The following LPAR1 variants were observed in gnomAD, a reference collection of about 807,000 sequenced individuals.
The protein encoded by LPAR1 is LPA receptor 1.
A neutral mutation model predicts 23.8 loss-of-function variants in LPAR1; 5 were observed. The observed-to-expected ratio is 0.21, with a 90% CI of 0.11 to 0.44. LPAR1 has a LOEUF of 0.44. Ranked by LOEUF, LPAR1 falls within the 20% of genes least tolerant of loss-of-function variation. LPAR1 has a pLI of 0.99. For missense variants in LPAR1, 311 were observed against 482.8 expected (o/e 0.64, Z 3.33); for synonymous variants, 160 against 164.7 (o/e 0.97, Z 0.22).
chr9:111,010,544 GC>G (rs2097313389), intron 2 of LPAR1, among the ~76,000 whole-genome samples: 1 of 152,048 alleles, frequency 6.6e-6, no homozygotes, highest in African/African-American at 2.4e-5. Flanking sequence ...ATTTACTACC[GC>G]CTTTCAAGAT....
chr9:110,949,723 TGA>T (rs1378945813), intron 4 of LPAR1, among the ~76,000 whole-genome samples: 4 of 152,232 alleles, frequency 2.6e-5, no homozygotes, highest in Admixed American at 1.3e-4. Flanking sequence ...AGACCATAAA[TGA>T]GAGTTTCTAA....
At chr9:111,005,575 A>AAAAAAAAAAAAAAAAAAAG (rs1564316925) in intron 2 of LPAR1, among the ~76,000 whole-genome samples, 1 of 131,538 alleles carries the variant, frequency 7.6e-6, no homozygotes, top group Non-Finnish European at 1.6e-5. Flanking sequence ...AAAAAAAAAA[A>AAAAAAAAAAAAAAAAAAAG]AAGAAGAATT....
At chr9:110,905,213 C>T (rs2090805936) in intron 5 of LPAR1, among the ~76,000 whole-genome samples, 1 of 152,218 alleles carries the variant, frequency 6.6e-6, no homozygotes, top group African/African-American at 2.4e-5. Context: ...CTCAGTTTAC[C>T]ATGCTATCCT....
intron 5 of LPAR1, chr9:110,903,217 A>G (rs2089930483): frequency 6.6e-6 from 1 of 152,228 alleles, no homozygotes; most frequent in African/African-American, 2.4e-5. Flanking sequence ...ACTTATTGAC[A>G]AAGATTTTAA....
intron 5 of LPAR1, among the ~76,000 whole-genome samples, chr9:110,886,353 A>G (rs1588137088): frequency 8.7e-6 from 1 of 115,232 alleles, no homozygotes; most frequent in African/African-American, 3.4e-5. Context: ...AACAAGAGCG[A>G]AACTCCATCT....
At chr9:111,010,088 A>T in intron 2 of LPAR1, among the ~76,000 whole-genome samples, 1 of 148,482 alleles carries the variant, frequency 6.7e-6, no homozygotes. Context: ...TTGTATACAA[A>T]CCTTTGTGCA....
At chr9:110,908,076 T>C (rs920453269) in intron 5 of LPAR1, among the ~76,000 whole-genome samples, 2 of 152,032 alleles carry the variant, frequency 1.3e-5, no homozygotes, top group African/African-American at 4.8e-5. Context: ...TTGCTTCTTG[T>C]TTAATTGTTC....
At chr9:110,934,092 C>T (rs536007808) in intron 5 of LPAR1, among the ~76,000 whole-genome samples, 2 of 152,298 alleles carry the variant, frequency 1.3e-5, no homozygotes, top group Admixed American at 6.5e-5. Flanking sequence ...CATGGATATT[C>T]GCTCAGGTTC....
rs71371693 is a variant in LPAR1, at chr9:110,886,198, C to CA, written c.794-10477dup. ...GAGCAACAAGAGCAAAAATCCATCT[C>CA]AAAAAAAAAAAAAAATTTAGCTGGG... is the stretch of plus-strand genomic sequence containing the variant. On this transcript the variant is annotated intron_variant, in intron 5 of 5. Transcript: ENST00000683809. 3.3e-3 allele frequency among the ~76,000 whole-genome samples: 428 copies of CA among 128,470 alleles called. 1 individual carries two copies. Among genetic ancestry groups the CA allele is most frequent in the South Asian group, 0.016 (59 of 3,804 alleles). 84.3% of individuals were successfully genotyped at this position (128,470 alleles called of 152,430 possible). A position where few individuals can be genotyped will look rare whatever the true frequency, so the allele number is the denominator to read the frequency against.
intron 4 of LPAR1, among the ~76,000 whole-genome samples, chr9:110,958,617 T>G (rs2095841323): frequency 6.6e-6 from 1 of 151,996 alleles, no homozygotes. Context: ...ACTATAAAAT[T>G]ACTAAAAACA....
chr9:110,941,487 T>C lies in LPAR1; in HGVS notation c.727A>G (p.Ser243Gly). 2 of 1,614,140 alleles carry C rather than the reference T, an allele frequency of 1.2e-6. No individual in the cohort carries two copies. The highest frequency in any genetic ancestry group is 1.7e-6 in the Non-Finnish European group (2 of 1,179,994). The change falls in exon 5 of 6, where the codon AGT becomes GGT. Residue 243 changes from serine (S) to glycine (G), a missense_variant. Ser to Gly is a moderately conservative substitution (Grantham distance 56). Transcript: ENST00000683809. This position sits in a 1 kb window ranked among gnomAD's most constrained non-coding sequence, Gnocchi z 6.1. Reference sequence around the variant, plus strand: ...TCCCGATTCCGCCGGGGTCCAGAACTATGCCGAGACATTCTCATAGTCCTC... The same window carrying C: ...TCCCGATTCCGCCGGGGTCCAGAACCATGCCGAGACATTCTCATAGTCCTC... ...RQRTMRMSRH[S>G]SGPRRNRDTM...
At chr9:111,015,293 T>C (rs2097420683) in intron 2 of LPAR1, among the ~76,000 whole-genome samples, 1 of 152,150 alleles carries the variant, frequency 6.6e-6, no homozygotes, top group Non-Finnish European at 1.5e-5. Context: ...TTCAACGGTA[T>C]TGTCATCCAT....
At chr9:110,926,796 A>G (rs991793292) in intron 5 of LPAR1, among the ~76,000 whole-genome samples, 2 of 152,136 alleles carry the variant, frequency 1.3e-5, no homozygotes, top group East Asian at 3.9e-4. Flanking sequence ...AATCACGGAT[A>G]CTCACAGTAC....
intron 5 of LPAR1, among the ~76,000 whole-genome samples, chr9:110,924,660 C>G (rs955323138): frequency 1.9e-4 from 29 of 150,832 alleles, no homozygotes; most frequent in African/African-American, 7.1e-4. Context: ...TAGCAATACA[C>G]TATCTCTTAG....
intron 5 of LPAR1, among the ~76,000 whole-genome samples, chr9:110,926,358 T>C (rs1335830244): frequency 1.3e-5 from 2 of 152,242 alleles, no homozygotes; most frequent in Non-Finnish European, 2.9e-5. Context: ...AAAGTTTCCA[T>C]GCAGACACAT....
chr9:110,905,205 C>G (rs1008181774), intron 5 of LPAR1, among the ~76,000 whole-genome samples: 1 of 152,212 alleles, frequency 6.6e-6, no homozygotes, highest in African/African-American at 2.4e-5. Context: ...ACTTCTTCCT[C>G]AGTTTACCAT....
chr9:110,946,515 T>A (rs2136366548), intron 4 of LPAR1, among the ~76,000 whole-genome samples: 1 of 152,272 alleles, frequency 6.6e-6, no homozygotes, highest in South Asian at 2.1e-4. Flanking sequence ...AGAGAAATTT[T>A]TTGAGATACA....
At chr9:111,016,450 C>T (rs747252638) in intron 2 of LPAR1, among the ~76,000 whole-genome samples, 3 of 152,144 alleles carry the variant, frequency 2.0e-5, no homozygotes, top group Non-Finnish European at 4.4e-5. Flanking sequence ...ATTCATTTAG[C>T]ACATAGACTT....
intron 5 of LPAR1, among the ~76,000 whole-genome samples, chr9:110,940,322 C>T (rs1043582974): frequency 6.6e-6 from 1 of 152,190 alleles, no homozygotes; most frequent in African/African-American, 2.4e-5. Flanking sequence ...ACCCTGTCTC[C>T]TTCCAGTGGC....
Sources: allele counts gnomAD v4.1 joint callset (sites outside exome capture counted in the v4.1 genomes callset), GRCh38; gene constraint gnomAD v4.1.1; non-coding constraint Gnocchi (gnomAD v3.1); transcripts MANE v1.5; gene names NCBI Gene and HGNC (gene_info 2026-07-23, HGNC 2026-07-21).